The following BMP1 variants were observed in gnomAD, a reference collection of about 807,000 sequenced individuals.
BMP1 encodes the protein mammalian tolloid protein.
Under a neutral mutation model 116.8 loss-of-function variants are expected in BMP1, and 63 were observed. The ratio of observed to expected loss-of-function variants is 0.54; its 90% CI spans 0.44 to 0.67. The LOEUF is 0.67. BMP1 is among the 30% of genes least tolerant of loss of function. The probability of loss-of-function intolerance (pLI) is 0.00; values close to 1 mark genes in which losing one functional copy is unlikely to be tolerated. For synonymous variants in BMP1, 536 were observed against 533.4 expected, an observed-to-expected ratio of 1.00 and a Z score of -0.07; for missense variants, 1,183 against 1,358.9, an observed-to-expected ratio of 0.87 and a Z score of 2.04.
rs145320714 is a variant in BMP1, at chr8:22,201,828, C to T, written c.2133C>T (p.Asn711=). The T allele has an allele frequency of 2.1e-5, 34 of 1,612,710 alleles. No homozygotes were observed. The highest frequency in any genetic ancestry group is 5.0e-5 in the Admixed American group (3 of 59,986). ...ACAAGGACGAGTGCTCCAAGGATAA[C>T]GGCGGCTGCCAGCAGGACTGCGTCA... is the stretch of plus-strand genomic sequence containing the variant. ...FSDKDECSKD[N]GGCQQDCVNT... is the part of the protein sequence containing the mutation. Residue 711 remains asparagine (N), a synonymous_variant, in exon 16 of 20, where the codon AAC becomes AAT. Coordinates refer to ENST00000306385, the MANE Select transcript of BMP1 (RefSeq NM_006129.5).
intron 8 of BMP1, among the ~76,000 whole-genome samples, chr8:22,187,489 C>A (rs1294711931): frequency 1.3e-5 from 2 of 148,846 alleles, no homozygotes; most frequent in African/African-American, 4.9e-5. Flanking sequence ...CGCCACCACG[C>A]CCGGCTAATT....
At chr8:22,211,456 C>T in intron 19 of BMP1, 138 bp from the exon 20 acceptor site, 1 of 1,226,002 alleles carries the variant, frequency 8.2e-7, no homozygotes, top group Non-Finnish European at 1.2e-6. Flanking sequence ...CAGCAAGAAG[C>T]CCTATGCTTC....
At chr8:22,201,346 C>G in intron 15 of BMP1, 1 of 1,490,234 alleles carries the variant, frequency 6.7e-7, no homozygotes, top group Non-Finnish European at 8.9e-7. Flanking sequence ...AACTGGTGCT[C>G]TCTTCTCCCC....
chr8:22,189,368 A>G (rs925402735), intron 8 of BMP1, among the ~76,000 whole-genome samples: 17 of 151,206 alleles, frequency 1.1e-4, no homozygotes, highest in African/African-American at 4.1e-4. Flanking sequence ...TGCTTAGAAT[A>G]CTATCGTCTT....
At chr8:22,178,731 G>A (rs965096450) in intron 6 of BMP1, among the ~76,000 whole-genome samples, 2 of 152,050 alleles carry the variant, frequency 1.3e-5, no homozygotes, top group Non-Finnish European at 2.9e-5. Flanking sequence ...CTCAAAGGTG[G>A]TGGCCCAGCC....
intron 8 of BMP1, among the ~76,000 whole-genome samples, chr8:22,181,702 G>A (rs1270713487): frequency 2.0e-5 from 3 of 152,042 alleles, no homozygotes; most frequent in East Asian, 1.9e-4. Flanking sequence ...GCAGATGTGC[G>A]CTACCATGCC....
At chr8:22,187,548 A>T (rs1352534916) in intron 8 of BMP1, among the ~76,000 whole-genome samples, 1 of 123,208 alleles carries the variant, frequency 8.1e-6, no homozygotes, top group African/African-American at 3.3e-5. Flanking sequence ...ACAGGGTTTC[A>T]CCGTGTTAGC....
chr8:22,184,554 G>A (rs1177962734), intron 8 of BMP1, among the ~76,000 whole-genome samples: 2 of 152,210 alleles, frequency 1.3e-5, no homozygotes, highest in Non-Finnish European at 2.9e-5. Flanking sequence ...AAGCCAAGTG[G>A]CACCCTGGGG....
chr8:22,165,688 A>C, intron 1 of BMP1, 135 bp downstream of exon 1: 1 of 913,566 alleles, frequency 1.1e-6, no homozygotes, highest in Non-Finnish European at 1.5e-6. Flanking sequence ...GGAACAAAAG[A>C]ACGAGGGGGA....
chr8:22,199,604 G>A (rs2131892723), intron 15 of BMP1, among the ~76,000 whole-genome samples: 1 of 152,342 alleles, frequency 6.6e-6, no homozygotes, highest in Admixed American at 6.5e-5. Flanking sequence ...CTGTGTACCA[G>A]GCACTGGACT....
intron 19 of BMP1, among the ~76,000 whole-genome samples, chr8:22,210,275 T>G (rs1829438055): frequency 6.6e-6 from 1 of 152,042 alleles, no homozygotes; most frequent in African/African-American, 2.4e-5. Flanking sequence ...TGAGCAAAAG[T>G]AGGCTTGATG....
In BMP1 at chr8:22,207,511, C is replaced by T. The variant is rs1829385301; in HGVS notation, c.2570C>T (p.Ala857Val). 1 of 1,613,116 alleles carries T rather than the reference C, an allele frequency of 6.2e-7. No individual in the cohort carries two copies. Among genetic ancestry groups the T allele is most frequent in the East Asian group, 2.2e-5 (1 of 44,898 alleles). The part of the protein sequence containing the change: ...VQRKGFQASH[A>V]TECGGQVRAD... Reference sequence around the variant, plus strand: ...CGAAAGGGCTTCCAGGCCTCCCACGCCACAGGTACTGTCCCCGGTTGTGGG... The same window carrying T: ...CGAAAGGGCTTCCAGGCCTCCCACGTCACAGGTACTGTCCCCGGTTGTGGG... The change falls in exon 18 of 20, where the codon GCC (alanine) becomes GTC (valine). Residue 857 changes from alanine (A) to valine (V), a missense_variant. Transcript: ENST00000306385.
rs774932792 is a variant in BMP1 at position 22,180,438 on chromosome 8, T to C, written c.1032T>C (p.Ala344=). 1.9e-6 allele frequency: 3 copies of C among 1,614,026 alleles called. No individual in the cohort carries two copies. The highest frequency in any genetic ancestry group is 2.5e-6 in the Non-Finnish European group (3 of 1,179,946). The part of the protein sequence containing the change: ...SSPEYPNGYS[A]HMHCVWRISV... ...CTGAATACCCCAATGGCTACTCTGCTCACATGCACTGCGTGTGGCGCATCT... is the reference window on the plus strand; with the variant it reads ...CTGAATACCCCAATGGCTACTCTGCCCACATGCACTGCGTGTGGCGCATCT... The change falls in exon 8 of 20, where the codon GCT becomes GCC. Residue 344 remains alanine (A), a synonymous_variant. Coordinates refer to ENST00000306385, the MANE Select transcript of BMP1 (RefSeq NM_006129.5).
rs147413726 is a variant in BMP1 at position 22,194,126 on chromosome 8, C to A, written c.1249C>A (p.Arg417Ser). 6.2e-7 allele frequency: 1 copy of A among 1,613,914 alleles called. No homozygotes were observed. Among genetic ancestry groups the A allele is most frequent in the African/African-American group, 1.3e-5 (1 of 74,904 alleles). Residue 417 changes from arginine to serine, a missense_variant, in exon 10 of 20, where the codon CGC becomes AGC. Around this residue, in one of 4 missense-constraint regions of BMP1, gnomAD observed 956 missense variants for 1,135.2 expected, o/e 0.84. Transcript: ENST00000306385. This position sits in a 1 kb window ranked among gnomAD's most constrained non-coding sequence, Gnocchi z 4.5. ...STDSRLWVEF[R>S]SSSNWVGKGF... is the part of the protein sequence containing the mutation. Reference sequence around the variant, plus strand: ...TGACAGCCGCCTCTGGGTTGAATTCCGCAGCAGCAGCAATTGGGTTGGAAA... The same window carrying A: ...TGACAGCCGCCTCTGGGTTGAATTCAGCAGCAGCAGCAATTGGGTTGGAAA...
chr8:22,189,966 G>C (rs1177520924), intron 8 of BMP1, among the ~76,000 whole-genome samples: 1 of 152,018 alleles, frequency 6.6e-6, no homozygotes, highest in African/African-American at 2.4e-5. Flanking sequence ...TGTCACCCAG[G>C]CTGGAGTGCA....
At chr8:22,185,772 C>G (rs998362569) in intron 8 of BMP1, among the ~76,000 whole-genome samples, 2 of 151,132 alleles carry the variant, frequency 1.3e-5, no homozygotes, top group African/African-American at 4.9e-5. Flanking sequence ...CAGGCACCTG[C>G]TATCGCCCCT....
chr8:22,201,090 C>A, intron 15 of BMP1: 2 of 1,551,818 alleles, frequency 1.3e-6, no homozygotes, highest in South Asian at 1.1e-5. Flanking sequence ...CCCCTTGGTC[C>A]CTTTTCTCCT....
At chr8:22,207,631 G>A in intron 18 of BMP1, 115 bp downstream of exon 18, 3 of 1,225,978 alleles carry the variant, frequency 2.4e-6, no homozygotes, top group Non-Finnish European at 3.4e-6. Context: ...GCGACCCAGG[G>A]CCAGGGTTGT....
intron 8 of BMP1, among the ~76,000 whole-genome samples, chr8:22,186,598 C>A (rs1176980641): frequency 6.6e-6 from 1 of 152,148 alleles, no homozygotes; most frequent in Non-Finnish European, 1.5e-5. Flanking sequence ...TCCCAAGTAG[C>A]TGGGACTATA....
Sources: gnomAD v4.1 joint callset for allele counts (sites outside exome capture counted in the v4.1 genomes callset) on GRCh38, gnomAD v4.1.1 for gene constraint, gnomAD v4.1.1 regional missense constraint, Gnocchi (gnomAD v3.1) non-coding constraint, MANE v1.5 for transcripts, NCBI Gene and HGNC (gene_info 2026-07-23, HGNC 2026-07-21) for gene names.